PLAC1: variants seen among roughly 807,000 people sequenced by gnomAD.
PLAC1 encodes placenta-specific protein 1.
For missense variants in PLAC1, 136 were observed against 163.2 expected (o/e 0.83, Z 0.91); for synonymous variants, 68 against 62.1 (o/e 1.09, Z -0.44).
intron 1 of PLAC1, among the ~76,000 whole-genome samples, chrX:134,617,268 C>A (rs1430371110): frequency 8.9e-6 from 1 of 111,875 alleles, no homozygotes; most frequent in Non-Finnish European, 1.9e-5. Flanking sequence ...GGATTACAGG[C>A]ATGAGCCACC....
intron 1 of PLAC1, among the ~76,000 whole-genome samples, chrX:134,742,929 AAGAG>A (rs758153774): frequency 8.9e-6 from 1 of 112,248 alleles, no homozygotes; most frequent in South Asian, 3.7e-4. Context: ...GAAGGAAAGA[AAGAG>A]AGAGAGAAAG....
At chrX:134,722,373 G>T (rs1462780045) in intron 2 of PLAC1, among the ~76,000 whole-genome samples, 2 of 112,662 alleles carry the variant, frequency 1.8e-5, no homozygotes, top group South Asian at 7.3e-4. Flanking sequence ...ACTGATTCAT[G>T]CTACAATGTG....
chrX:134,762,821 C>CAAAAAAA (rs60721487), intron 1 of PLAC1, among the ~76,000 whole-genome samples: 20 of 14,809 alleles, frequency 1.4e-3, no homozygotes, highest in Non-Finnish European at 1.6e-3. Context: ...GGCTCTATCT[C>CAAAAAAA]AAAAAAAAAA....
At chrX:134,736,216 C>A (rs781486852) in intron 1 of PLAC1, among the ~76,000 whole-genome samples, 2 of 109,635 alleles carry the variant, frequency 1.8e-5, no homozygotes, top group Admixed American at 9.7e-5. Flanking sequence ...GCAGAGGTTG[C>A]AGTGAGCTGA....
At chrX:134,599,433 C>T (rs1302048679) in intron 2 of PLAC1, 3 of 111,671 alleles carry the variant, frequency 2.7e-5, no homozygotes, top group Admixed American at 9.5e-5. Context: ...TTACTCAGCA[C>T]TTCTCTCTCC....
chrX:134,603,688 G>A (rs1483011190), intron 1 of PLAC1, among the ~76,000 whole-genome samples: 1 of 109,910 alleles, frequency 9.1e-6, no homozygotes, highest in Admixed American at 9.8e-5. Context: ...AAAAATAAAT[G>A]TAGTGGAAAA....
chrX:134,739,477 A>AGCT (rs1235542755), intron 1 of PLAC1, among the ~76,000 whole-genome samples: 2 of 112,557 alleles, frequency 1.8e-5, no homozygotes, highest in African/African-American at 6.5e-5. Context: ...ATCCCAAGCC[A>AGCT]GCTGACTGCT....
At chrX:134,629,855 G>A (rs1429359388) in intron 1 of PLAC1, among the ~76,000 whole-genome samples, 1 of 111,685 alleles carries the variant, frequency 9.0e-6, no homozygotes, top group Non-Finnish European at 1.9e-5. Flanking sequence ...GAGCTGAGGT[G>A]TAGCTCTTTG....
At chrX:134,704,817 C>G (rs2078596897) in intron 2 of PLAC1, among the ~76,000 whole-genome samples, 1 of 102,171 alleles carries the variant, frequency 9.8e-6, no homozygotes. Flanking sequence ...ATGGTGAAAC[C>G]CCATCTCTAC....
At chrX:134,696,886 G>A (rs1033143187) in intron 2 of PLAC1, among the ~76,000 whole-genome samples, 1 of 109,550 alleles carries the variant, frequency 9.1e-6, no homozygotes, top group East Asian at 2.9e-4. Flanking sequence ...AAAAAAATTA[G>A]CCGGGCGGGG....
chrX:134,678,607 T>C (rs1006164114), intron 2 of PLAC1, among the ~76,000 whole-genome samples: 3 of 111,946 alleles, frequency 2.7e-5, no homozygotes, highest in Non-Finnish European at 5.6e-5. Flanking sequence ...CCATTTATTG[T>C]CTATCTATCT....
intron 2 of PLAC1, among the ~76,000 whole-genome samples, chrX:134,701,895 G>A (rs1569407778): frequency 8.9e-6 from 1 of 111,839 alleles, no homozygotes; most frequent in East Asian, 2.8e-4. Context: ...GTACACACCT[G>A]TAATTCCAGC....
At chrX:134,689,400 A>C (rs2078528956) in intron 2 of PLAC1, among the ~76,000 whole-genome samples, 1 of 111,582 alleles carries the variant, frequency 9.0e-6, no homozygotes, top group African/African-American at 3.3e-5. Context: ...CCAGAAACCA[A>C]ATTCATTTTT....
intron 2 of PLAC1, among the ~76,000 whole-genome samples, chrX:134,577,750 CGTGTGTGT>C (rs750817404): frequency 6.7e-4 from 63 of 94,137 alleles, no homozygotes; most frequent in Middle Eastern, 0.011. Context: ...TGCATGCATG[CGTGTGTGT>C]GTGTGTGTGT....
chrX:134,603,624 G>A (rs1389000880), intron 1 of PLAC1, among the ~76,000 whole-genome samples: 3 of 108,233 alleles, frequency 2.8e-5, no homozygotes, highest in African/African-American at 1.0e-4. Flanking sequence ...GTGAGCAACC[G>A]CACCCAGCTG....
chrX:134,664,367 G>A (rs1163657719), intron 2 of PLAC1, among the ~76,000 whole-genome samples: 1 of 112,270 alleles, frequency 8.9e-6, no homozygotes, highest in African/African-American at 3.2e-5. Flanking sequence ...ATTCTGCCTT[G>A]AGACATTTCC....
chrX:134,605,167 C>A (rs1247706238), intron 1 of PLAC1, among the ~76,000 whole-genome samples: 1 of 112,203 alleles, frequency 8.9e-6, no homozygotes, highest in Non-Finnish European at 1.9e-5. Context: ...GTTTACTTCA[C>A]AACAGCTGGC....
chrX:134,569,776 GTGTGTGTGTGTT>G (rs1279271580), intron 2 of PLAC1, among the ~76,000 whole-genome samples: 8 of 99,211 alleles, frequency 8.1e-5, no homozygotes, highest in African/African-American at 3.1e-4. Context: ...GTGTGTGTGT[GTGTGTGTGTGTT>G]TGTGTGTGTG....
At chrX:134,675,754 G>T (rs961301742) in intron 2 of PLAC1, among the ~76,000 whole-genome samples, 1 of 111,640 alleles carries the variant, frequency 9.0e-6, no homozygotes, top group Non-Finnish European at 1.9e-5. Context: ...CATGGTGTGG[G>T]CAACCAATAC....
Sources: allele counts gnomAD v4.1 joint callset (sites outside exome capture counted in the v4.1 genomes callset), GRCh38; gene constraint gnomAD v4.1.1; transcripts MANE v1.5; gene names NCBI Gene and HGNC (gene_info 2026-07-23, HGNC 2026-07-21).